Variants in RAB27B observed in about 807,000 individuals in gnomAD.
RAB27B encodes the protein ras-related protein Rab-27B.
A neutral mutation model predicts 24.6 loss-of-function variants in RAB27B; 15 were observed. The ratio of observed to expected loss-of-function variants is 0.61; its 90% confidence interval spans 0.41 to 0.94. The LOEUF (loss-of-function observed/expected upper bound fraction) is 0.94. RAB27B is among the 40% of genes least tolerant of loss of function. RAB27B has a pLI of 0.00. For missense variants in RAB27B, 261 were observed against 266.8 expected (o/e 0.98, Z 0.15); for synonymous variants, 105 against 92.5 (o/e 1.14, Z -0.78).
At chr18:54,729,508 G>GA (rs1256145003) in intron 2 of RAB27B, among the ~76,000 whole-genome samples, 1 of 152,140 alleles carries the variant, frequency 6.6e-6, no homozygotes, top group Non-Finnish European at 1.5e-5. Flanking sequence ...AAGGTGGATG[G>GA]AAAATGGAGG....
chr18:54,739,387 C>T (rs774053396), intron 2 of RAB27B, among the ~76,000 whole-genome samples: 3 of 145,264 alleles, frequency 2.1e-5, no homozygotes, highest in African/African-American at 7.7e-5. Context: ...ACCTGGTAGG[C>T]GGAGGTTACA....
At chr18:54,727,484 G>A (rs965413850) in intron 2 of RAB27B, among the ~76,000 whole-genome samples, 7 of 152,124 alleles carry the variant, frequency 4.6e-5, no homozygotes, top group Admixed American at 4.6e-4. Flanking sequence ...GGCAATTAAG[G>A]TCCATTCTCT....
At chr18:54,767,115 C>T (rs544286034) in intron 2 of RAB27B, among the ~76,000 whole-genome samples, 21 of 152,166 alleles carry the variant, frequency 1.4e-4, no homozygotes, top group South Asian at 8.3e-4. Flanking sequence ...GGTTTTACCA[C>T]GCTGGGAACC....
Position 54,840,271 on chromosome 18 carries a change from C to G in RAB27B, c.-20+11571C>G, listed in dbSNP as rs540119835. ...CTTTCTTTCTTTTGATGTTTTTCTA[C>G]AATGCTTAGTGCCATTTTGCAGCCC... On this transcript the variant is annotated intron_variant, in intron 1 of 5. Coordinates refer to ENST00000262094, the MANE Select transcript of RAB27B (RefSeq NM_004163.4). Among the ~76,000 whole-genome samples the G allele has an allele frequency of 1.1e-3, 173 of 152,108 alleles. 2 individuals carry two copies. The highest frequency in any genetic ancestry group is 2.2e-3 in the Non-Finnish European group (150 of 68,028).
chr18:54,838,846 A>G (rs1972595), intron 1 of RAB27B, among the ~76,000 whole-genome samples: 100,392 of 151,946 alleles, frequency 0.66, 35,850 homozygotes, highest in East Asian at 0.92. Context: ...CTAGTATCCA[A>G]CTGCTGATCT....
At position 54,877,602 on chromosome 18, in the gene RAB27B, A is replaced by G. The variant is rs1912755300; in HGVS notation, c.17A>G (p.Tyr6Cys). Residue 6 changes from tyrosine to cysteine, a missense_variant, in exon 2 of 6, where the codon TAT becomes TGT. By Grantham distance (194) the Tyr-to-Cys change is radical (BLOSUM62 -2). Coordinates refer to ENST00000262094, the MANE Select transcript of RAB27B (RefSeq NM_004163.4). MTDGD[Y>C]DYLIKLLALG... Reference sequence around the variant, plus strand: ...ACCATCACTATGACCGATGGAGACTATGATTATCTGATCAAACTCCTGGCC... The same window carrying G: ...ACCATCACTATGACCGATGGAGACTGTGATTATCTGATCAAACTCCTGGCC... 6.3e-7 allele frequency: 1 copy of G among 1,575,758 alleles called. No homozygotes were observed. The highest frequency in any genetic ancestry group is 1.4e-5 in the African/African-American group (1 of 72,324).
At chr18:54,853,052 T>C (rs953580320) in intron 1 of RAB27B, among the ~76,000 whole-genome samples, 2 of 152,222 alleles carry the variant, frequency 1.3e-5, no homozygotes, top group African/African-American at 2.4e-5. Context: ...GACGGAATTC[T>C]ATTCCTGGCT....
At chr18:54,764,709 A>G (rs1050851692) in intron 2 of RAB27B, among the ~76,000 whole-genome samples, 3 of 152,060 alleles carry the variant, frequency 2.0e-5, no homozygotes, top group Non-Finnish European at 2.9e-5. Flanking sequence ...CTAAACTTGG[A>G]TGTTGTTTTT....
intron 2 of RAB27B, among the ~76,000 whole-genome samples, chr18:54,737,032 C>T (rs979708140): frequency 1.3e-5 from 2 of 152,108 alleles, no homozygotes; most frequent in East Asian, 1.9e-4. Flanking sequence ...TATCTTCATA[C>T]ATCAAATTGC....
intron 2 of RAB27B, among the ~76,000 whole-genome samples, chr18:54,819,060 T>C (rs1174240669): frequency 1.3e-5 from 2 of 151,346 alleles, no homozygotes; most frequent in Non-Finnish European, 2.9e-5. Context: ...TTATTGTTTA[T>C]GGCAGCAATA....
chr18:54,859,841 A>G lies in RAB27B; in HGVS notation c.-19-17726A>G, dbSNP rs779727929. 5.1e-4 allele frequency among the ~76,000 whole-genome samples: 78 copies of G among 152,236 alleles called. 1 individual carries two copies. The highest frequency in any genetic ancestry group is 2.4e-4 in the Non-Finnish European group (16 of 68,034). On this transcript the variant is annotated intron_variant, in intron 1 of 5. Coordinates refer to ENST00000262094, the MANE Select transcript of RAB27B (RefSeq NM_004163.4). ...AGACTCATTAAAGCTGTAATTAGCC[A>G]TTGTTGACATATTGTATTTTTAATC...
Position 54,788,512 on chromosome 18 carries a change from A to G in RAB27B, c.-20+70371A>G, listed in dbSNP as rs903581839. Reference sequence around the variant, plus strand: ...GAGATGGGGTTTCACCATGTTGGCCATGTTGGTCTCAAACTCCTGACCTCA... The same window carrying G: ...GAGATGGGGTTTCACCATGTTGGCCGTGTTGGTCTCAAACTCCTGACCTCA... On this transcript the variant is annotated intron_variant, in intron 2 of 4. Coordinates refer to the RAB27B transcript ENST00000586570. Among the ~76,000 whole-genome samples, 9 of 152,140 alleles carry G rather than the reference A, an allele frequency of 5.9e-5. No individual in the cohort carries two copies. The East Asian group carries it at 1.3e-3, about 23-fold the overall frequency.
intron 1 of RAB27B, among the ~76,000 whole-genome samples, chr18:54,838,300 T>C (rs866814953): frequency 1.3e-5 from 2 of 152,190 alleles, no homozygotes; most frequent in Non-Finnish European, 2.9e-5. Context: ...TTGAAAAACA[T>C]GTCAAATGAT....
chr18:54,738,586 C>G (rs973499825), intron 2 of RAB27B, among the ~76,000 whole-genome samples: 6 of 152,162 alleles, frequency 3.9e-5, no homozygotes, highest in African/African-American at 9.7e-5. Flanking sequence ...AAACCCCTTT[C>G]TTTATAAATT....
intron 2 of RAB27B, among the ~76,000 whole-genome samples, chr18:54,739,404 T>G (rs1171508174): frequency 2.1e-5 from 3 of 143,948 alleles, no homozygotes; most frequent in Non-Finnish European, 3.0e-5. Context: ...TACAGTGAGC[T>G]GAGATCCTGC....
intron 2 of RAB27B, among the ~76,000 whole-genome samples, chr18:54,747,972 G>A (rs957903006): frequency 6.6e-6 from 1 of 151,988 alleles, no homozygotes; most frequent in African/African-American, 2.4e-5. Flanking sequence ...GCCATGCTTG[G>A]TGATGTTGCT....
intron 1 of RAB27B, among the ~76,000 whole-genome samples, chr18:54,853,101 G>A (rs998161903): frequency 6.6e-6 from 1 of 152,120 alleles, no homozygotes; most frequent in South Asian, 2.1e-4. Flanking sequence ...AAGCAATTTT[G>A]AAAGTCTCTT....
chr18:54,727,354 A>C (rs1489520692), intron 2 of RAB27B, among the ~76,000 whole-genome samples: 1 of 152,200 alleles, frequency 6.6e-6, no homozygotes, highest in East Asian at 1.9e-4. Context: ...TCAGGTGTAT[A>C]TATAAAATGA....
chr18:54,884,905 G>T (rs79298285), intron 4 of RAB27B, among the ~76,000 whole-genome samples: 2 of 152,098 alleles, frequency 1.3e-5, no homozygotes, highest in African/African-American at 4.8e-5. Context: ...CAGACCAGTC[G>T]CATGATGATA....
Sources: allele counts gnomAD v4.1 joint callset (sites outside exome capture counted in the v4.1 genomes callset), GRCh38; gene constraint gnomAD v4.1.1; transcripts MANE v1.5; gene names NCBI Gene and HGNC (gene_info 2026-07-23, HGNC 2026-07-21).